Variants in MYOM2 observed in about 807,000 individuals in gnomAD.
The protein encoded by MYOM2 is myomesin 2.
In MYOM2, 254 loss-of-function variants were observed where a neutral mutation model predicts 187.6. The ratio of observed to expected loss-of-function variants is 1.35; its 90% CI spans 1.22 to 1.50. MYOM2 has a LOEUF of 1.50. MYOM2 is among the 40% of genes most tolerant of loss of function. MYOM2 has a pLI of 0.00. For missense variants in MYOM2, 2,796 were observed against 1,924.0 expected, an observed-to-expected ratio of 1.45 and a Z score of -8.48; for synonymous variants, 981 against 753.8, an observed-to-expected ratio of 1.30 and a Z score of -4.94.
Position 2,106,258 on chromosome 8 carries a change from T to C in MYOM2, c.2751T>C (p.Ser917=). 6.2e-7 allele frequency: 1 copy of C among 1,614,124 alleles called. No individual in the cohort carries two copies. The highest frequency in any genetic ancestry group is 8.5e-7 in the Non-Finnish European group (1 of 1,180,022). ...CTTATGCAGGCACCAAGGAAATCAG[T>C]GCTGGTGTCGATGAACAAGGCAACA... ...VEARPGTKEI[S]AGVDEQGNIY... is the part of the protein sequence containing the mutation. The change falls in exon 22 of 37, where the codon AGT becomes AGC. Residue 917 remains serine (S), a synonymous_variant. Transcript: ENST00000262113.
intron 31 of MYOM2, among the ~76,000 whole-genome samples, chr8:2,128,201 G>T (rs949067356): frequency 1.3e-5 from 2 of 152,108 alleles, no homozygotes; most frequent in African/African-American, 4.8e-5. Context: ...GCAAGCAAAG[G>T]CTCTTTCAGG....
chr8:2,110,569 C>A (rs1023527176), intron 25 of MYOM2, among the ~76,000 whole-genome samples: 1 of 152,122 alleles, frequency 6.6e-6, no homozygotes, highest in Non-Finnish European at 1.5e-5. Context: ...GCTTGGGGCT[C>A]TCTCAGAGCC....
chr8:2,052,057 C>G (rs1818508568), intron 2 of MYOM2, 101 bp from the exon 3 acceptor site: 2 of 1,445,298 alleles, frequency 1.4e-6, no homozygotes, highest in Non-Finnish European at 9.6e-7. Context: ...TCTGCATATA[C>G]CAGTGGTTTG....
intron 2 of MYOM2, among the ~76,000 whole-genome samples, chr8:2,051,776 A>G (rs1339704179): frequency 6.6e-6 from 1 of 152,186 alleles, no homozygotes; most frequent in African/African-American, 2.4e-5. Flanking sequence ...TGTGCGGGGT[A>G]TGGGTGTGGG....
At position 2,085,271 on chromosome 8, in the gene MYOM2, C is replaced by A. The variant is rs368551401; in HGVS notation, c.1525C>A (p.Gln509Lys). 6.2e-7 allele frequency: 1 copy of A among 1,614,002 alleles called. No individual in the cohort carries two copies. Among genetic ancestry groups the A allele is most frequent in the East Asian group, 2.2e-5 (1 of 44,868 alleles). Reference sequence around the variant, plus strand: ...ATTTATTATTCCTCCAGGTGACGCCCAGGTTCCAGGGCCTCCCACCGGTGT... The same window carrying A: ...ATTTATTATTCCTCCAGGTGACGCCAAGGTTCCAGGGCCTCCCACCGGTGT... ...IYQDDLEGDA[Q>K]VPGPPTGVHA... is the part of the protein sequence containing the mutation. Residue 509 changes from glutamine (Q) to lysine (K), a missense_variant, in exon 14 of 37, where the codon CAG becomes AAG. By Grantham distance (53) the Gln-to-Lys change is moderately conservative. Transcript: ENST00000262113.
chr8:2,099,025 G>T, intron 19 of MYOM2, 42 bp downstream of exon 19: 1 of 1,558,390 alleles, frequency 6.4e-7, no homozygotes, highest in African/African-American at 1.4e-5. Flanking sequence ...CAGCGCACAG[G>T]CTGGCTGGGA....
chr8:2,079,283 A>G (rs1006206575), intron 12 of MYOM2, among the ~76,000 whole-genome samples: 13 of 152,134 alleles, frequency 8.5e-5, no homozygotes, highest in African/African-American at 1.9e-4. Context: ...TTAATTTTGC[A>G]TGACACAGAT....
intron 11 of MYOM2, 112 bp from the exon 12 acceptor site, chr8:2,078,622 G>A (rs751507600): frequency 1.9e-5 from 18 of 949,788 alleles, no homozygotes; most frequent in South Asian, 3.0e-5. Context: ...TTTTACTGGC[G>A]TGAGATATTG....
At chr8:2,049,197 G>T (rs532189224) in intron 1 of MYOM2, among the ~76,000 whole-genome samples, 1 of 152,158 alleles carries the variant, frequency 6.6e-6, no homozygotes, top group Non-Finnish European at 1.5e-5. Context: ...TGGGGTGGTT[G>T]GTCGACTAGT....
intron 6 of MYOM2, among the ~76,000 whole-genome samples, chr8:2,062,156 G>C (rs1818870489): frequency 6.6e-6 from 1 of 152,220 alleles, no homozygotes; most frequent in African/African-American, 2.4e-5. Context: ...GGTTGGCAGG[G>C]GACAAGCTGT....
intron 14 of MYOM2, among the ~76,000 whole-genome samples, chr8:2,089,551 T>C (rs566345944): frequency 3.3e-5 from 5 of 152,334 alleles, no homozygotes; most frequent in Non-Finnish European, 4.4e-5. Flanking sequence ...TCTGACCGTA[T>C]TGACAGCCAT....
At chr8:2,120,674 A>ATATG (rs1231698093) in intron 28 of MYOM2, among the ~76,000 whole-genome samples, 493 of 31,868 alleles carry the variant, frequency 0.015, 27 homozygotes, top group Non-Finnish European at 0.02. Context: ...ATATATATAT[A>ATATG]TTATATTATA....
chr8:2,129,412 A>C (rs947370262), intron 32 of MYOM2, among the ~76,000 whole-genome samples, 180 bp downstream of exon 32: 1 of 152,176 alleles, frequency 6.6e-6, no homozygotes, highest in African/African-American at 2.4e-5. Context: ...GGCAGTGGGG[A>C]GGACGTGGAA....
At position 2,116,061 on chromosome 8, in the gene MYOM2, T is replaced by C; in HGVS notation, c.3282T>C (p.Asp1094=). The change falls in exon 26 of 37, where the codon GAT becomes GAC. Residue 1094 remains aspartate (D), a synonymous_variant. Transcript: ENST00000262113. ...NEGTYTVQIH[D]GKAKSQSSLV... ...GGACCTACACTGTGCAGATTCATGA[T>C]GGGAAAGCCAAAAGTCAGTCTTCTC... 6.2e-7 allele frequency: 1 copy of C among 1,613,794 alleles called. No homozygotes were observed. The highest frequency in any genetic ancestry group is 1.3e-5 in the African/African-American group (1 of 74,914).
intron 32 of MYOM2, among the ~76,000 whole-genome samples, chr8:2,131,105 G>C (rs1797849845): frequency 6.6e-6 from 1 of 152,166 alleles, no homozygotes; most frequent in Admixed American, 6.5e-5. Flanking sequence ...GGGGTACAGA[G>C]ATTAAACACA....
At chr8:2,136,142 C>CAAGAGAAG (rs1798061717) in intron 32 of MYOM2, among the ~76,000 whole-genome samples, 1 of 152,086 alleles carries the variant, frequency 6.6e-6, no homozygotes, top group Admixed American at 6.5e-5. Context: ...TGCAAGAGAA[C>CAAGAGAAG]CTGGGGTCAG....
At chr8:2,133,387 C>G (rs755149868) in intron 32 of MYOM2, among the ~76,000 whole-genome samples, 1 of 152,236 alleles carries the variant, frequency 6.6e-6, no homozygotes, top group South Asian at 2.1e-4. Flanking sequence ...TCAGACACCA[C>G]AGCGCTATTG....
rs1360328522 is a variant in MYOM2 at position 2,073,390 on chromosome 8, A to C, written c.1010A>C (p.Gln337Pro). 2 of 1,613,378 alleles carry C rather than the reference A, an allele frequency of 1.2e-6. No individual in the cohort carries two copies. The highest frequency in any genetic ancestry group is 1.7e-6 in the Non-Finnish European group (2 of 1,179,690). ...KWTKMFFGEG[Q>P]ASLSFSHLHK... ...ACGAAGATGTTCTTTGGAGAAGGCC[A>C]GGCCTCCCTGTCCTTCAGCCACCTG... The change falls in exon 10 of 37, where the codon CAG becomes CCG. Residue 337 changes from glutamine (Q) to proline (P), a missense_variant. Physicochemically the swap from Gln to Pro is moderately conservative, Grantham distance 76. Coordinates refer to ENST00000262113, the MANE Select transcript of MYOM2 (RefSeq NM_003970.4).
intron 14 of MYOM2, among the ~76,000 whole-genome samples, 162 bp from the exon 15 acceptor site, chr8:2,089,846 A>G (rs924678798): frequency 6.6e-6 from 1 of 152,208 alleles, no homozygotes; most frequent in African/African-American, 2.4e-5. Context: ...ATCATGTTTC[A>G]TAAAACTCAA....
Sources: gnomAD v4.1 joint callset for allele counts (sites outside exome capture counted in the v4.1 genomes callset) on GRCh38, gnomAD v4.1.1 for gene constraint, MANE v1.5 for transcripts, NCBI Gene and HGNC (gene_info 2026-07-23, HGNC 2026-07-21) for gene names.